Variants in PRDM1 observed in about 807,000 individuals in gnomAD.
The protein encoded by PRDM1 is PR/SET domain 1.
A neutral mutation model predicts 62.8 loss-of-function variants in PRDM1; 13 were observed. The ratio of observed to expected loss-of-function variants is 0.21; its 90% CI spans 0.13 to 0.33. The LOEUF (loss-of-function observed/expected upper bound fraction) is 0.33, where lower values mean the gene tolerates loss of function less well. Among genes scored for constraint, PRDM1 ranks in the 10% least tolerant of loss-of-function variants. The pLI, the probability that PRDM1 is intolerant of heterozygous loss-of-function variation, is 1.00. For missense variants in PRDM1, 895 were observed against 1,058.8 expected (o/e 0.85, Z 2.15); for synonymous variants, 396 against 417.6 (o/e 0.95, Z 0.63).
chr6:106,074,225 G>A (rs1469589971), intron 1 of PRDM1, among the ~76,000 whole-genome samples: 3 of 152,124 alleles, frequency 2.0e-5, no homozygotes, highest in African/African-American at 4.8e-5. Flanking sequence ...ATGAAATGTT[G>A]TAGGCCTATA....
upstream of PRDM1, among the ~76,000 whole-genome samples, chr6:106,085,882 T>A (rs897131879): frequency 2.0e-5 from 3 of 150,760 alleles, no homozygotes; most frequent in Non-Finnish European, 4.4e-5. Flanking sequence ...GTGCGTTACA[T>A]ACACAACAGC....
chr6:106,035,069 ATG>A (rs1772906612), intron 1 of PRDM1, among the ~76,000 whole-genome samples: 1 of 152,170 alleles, frequency 6.6e-6, no homozygotes, highest in Non-Finnish European at 1.5e-5. Flanking sequence ...TTAGTTCGTT[ATG>A]TTGTTCAGGT....
At chr6:105,993,087 G>A (rs1393050187), upstream of PRDM1, among the ~76,000 whole-genome samples, 1 of 152,212 alleles carries the variant, frequency 6.6e-6, no homozygotes, top group Non-Finnish European at 1.5e-5. Flanking sequence ...GTGGCATTTA[G>A]CTCTCGCAAA....
intron 2 of PRDM1, among the ~76,000 whole-genome samples, chr6:106,090,753 C>T (rs1773939850): frequency 6.6e-6 from 1 of 152,172 alleles, no homozygotes; most frequent in Admixed American, 6.5e-5. Context: ...ATTAATCTTG[C>T]CCTTCTTTAA....
upstream of PRDM1, among the ~76,000 whole-genome samples, chr6:106,044,646 C>A (rs1281285483): frequency 1.3e-5 from 2 of 152,156 alleles, no homozygotes; most frequent in Non-Finnish European, 2.9e-5. Flanking sequence ...CAAGTTTAGG[C>A]TTTCATTACT....
chr6:106,042,975 C>T (rs950224083), intron 1 of PRDM1, among the ~76,000 whole-genome samples: 7 of 152,174 alleles, frequency 4.6e-5, no homozygotes, highest in Admixed American at 2.6e-4. Context: ...CTCAGCCTCC[C>T]GAGTAGCTGG....
chr6:106,048,048 A>G (rs1368788480), upstream of PRDM1, among the ~76,000 whole-genome samples: 1 of 152,146 alleles, frequency 6.6e-6, no homozygotes, highest in Non-Finnish European at 1.5e-5. Flanking sequence ...TTTGGTATGA[A>G]TGACTAGAAA....
rs779091345 is a variant in PRDM1, at chr6:106,088,232, G to T, written c.74G>T (p.Arg25Met). ...AAPKCNSSTV[R>M]FQGLAEGTKG... Reference sequence around the variant, plus strand: ...CCCAAGTGTAACTCCAGCACTGTGAGGTTTCAGGGATTGGCAGAGGGGACC... The same window carrying T: ...CCCAAGTGTAACTCCAGCACTGTGATGTTTCAGGGATTGGCAGAGGGGACC... The change falls in exon 2 of 7, where the codon AGG (arginine) becomes ATG (methionine). Residue 25 changes from arginine to methionine, a missense_variant. Arg to Met is a moderately conservative substitution (Grantham distance 91). Coordinates refer to ENST00000369096, the MANE Select transcript of PRDM1 (RefSeq NM_001198.4). The T allele has an allele frequency of 1.2e-6, 2 of 1,613,510 alleles. No homozygotes were observed. The highest frequency in any genetic ancestry group is 1.7e-6 in the Non-Finnish European group (2 of 1,179,798).
At chr6:106,009,148 T>C (rs1055611348) in intron 1 of PRDM1, among the ~76,000 whole-genome samples, 3 of 152,220 alleles carry the variant, frequency 2.0e-5, no homozygotes, top group Admixed American at 6.5e-5. Context: ...GCTCTTGGTA[T>C]TGGTTCTCAG....
At chr6:106,081,975 T>A (rs1254236073), upstream of PRDM1, among the ~76,000 whole-genome samples, 1 of 152,154 alleles carries the variant, frequency 6.6e-6, no homozygotes, top group African/African-American at 2.4e-5. Flanking sequence ...TCCCTTTATT[T>A]CCACCTTGAG....
At chr6:106,054,166 G>C (rs944547395) in intron 1 of PRDM1, among the ~76,000 whole-genome samples, 2 of 151,984 alleles carry the variant, frequency 1.3e-5, no homozygotes, top group African/African-American at 4.8e-5. Flanking sequence ...TTGCAGCAGG[G>C]AAATAGAAAA....
chr6:106,051,303 C>T (rs773596472), intron 1 of PRDM1, among the ~76,000 whole-genome samples: 1 of 152,202 alleles, frequency 6.6e-6, no homozygotes, highest in Non-Finnish European at 1.5e-5. Flanking sequence ...GCAAACATAA[C>T]CTCAGTGGGC....
chr6:105,998,907 ATATATATATATATATATATATATATATTT>A (rs1280068016), intron 1 of PRDM1, among the ~76,000 whole-genome samples: 2,682 of 62,482 alleles, frequency 0.043, 65 homozygotes, highest in African/African-American at 0.067. Flanking sequence ...ATATATATAT[ATATATATATATATATATATATATATATTT>A]TTTTTTTTTT....
At chr6:106,030,287 A>C (rs934042691) in intron 1 of PRDM1, among the ~76,000 whole-genome samples, 1 of 151,756 alleles carries the variant, frequency 6.6e-6, no homozygotes, top group Admixed American at 6.6e-5. Context: ...TCCCACCTTG[A>C]CCTCCAGAGT....
At chr6:106,055,541 A>G (rs1446701757) in intron 1 of PRDM1, among the ~76,000 whole-genome samples, 5 of 152,336 alleles carry the variant, frequency 3.3e-5, no homozygotes, top group South Asian at 4.1e-4. Flanking sequence ...AGAATGGAGT[A>G]TGTGTCCCCT....
rs139757077 is a variant in PRDM1, at chr6:106,019,385, T to C, written c.-67+25746T>C. 1.1e-4 allele frequency among the ~76,000 whole-genome samples: 16 copies of C among 151,434 alleles called. No individual in the cohort carries two copies. The East Asian group carries it at 2.9e-3, about 28-fold the overall frequency. ...ACCCAAGTAGCATCTGAAAATAACATGAATGATTGAAATATAGATCGCTCA... is the reference window on the plus strand; with the variant it reads ...ACCCAAGTAGCATCTGAAAATAACACGAATGATTGAAATATAGATCGCTCA... On this transcript the variant is annotated intron_variant, in intron 1 of 6. Coordinates refer to the PRDM1 transcript ENST00000652320.
intron 4 of PRDM1, among the ~76,000 whole-genome samples, chr6:106,101,713 A>G (rs1397886484): frequency 1.3e-5 from 2 of 152,206 alleles, no homozygotes; most frequent in African/African-American, 4.8e-5. Flanking sequence ...TAATAGGTAG[A>G]TTGTGTCTCC....
Position 106,028,861 on chromosome 6 carries a change from T to A in PRDM1, c.-67+35222T>A, listed in dbSNP as rs1772799826. Among the ~76,000 whole-genome samples, 3 of 152,152 alleles carry A rather than the reference T, an allele frequency of 2.0e-5. No homozygotes were observed. In the East Asian group the frequency reaches 5.8e-4, roughly 29 times the overall value. The stretch of plus-strand genomic sequence containing the variant: ...TCCTGTCACTAGAAATTAGACTGTA[T>A]TTTCTAGAATTTTTCTAGGTTGTAA... On this transcript the variant is annotated intron_variant, in intron 1 of 6. Transcript: ENST00000652320.
At chr6:106,044,431 G>A (rs1287434081), upstream of PRDM1, among the ~76,000 whole-genome samples, 1 of 152,168 alleles carries the variant, frequency 6.6e-6, no homozygotes, top group African/African-American at 2.4e-5. Context: ...AGGGAAGCCA[G>A]AAGTAAATCA....
Sources: allele counts gnomAD v4.1 joint callset (sites outside exome capture counted in the v4.1 genomes callset), GRCh38; gene constraint gnomAD v4.1.1; transcripts MANE v1.5; gene names NCBI Gene and HGNC (gene_info 2026-07-23, HGNC 2026-07-21).